The following ARAP2 variants were observed in gnomAD, a reference collection of about 807,000 sequenced individuals.
ARAP2 encodes ArfGAP with RhoGAP domain, ankyrin repeat and PH domain 2, also known as arf-GAP with Rho-GAP domain, ANK repeat and PH domain-containing protein 2.
Under a neutral mutation model 194.5 loss-of-function variants are expected in ARAP2, and 148 were observed. That is an observed-to-expected ratio of 0.76 (90% CI 0.67 to 0.87). The LOEUF is 0.87. Ranked by LOEUF, ARAP2 falls within the 40% of genes least tolerant of loss-of-function variation. The probability of loss-of-function intolerance (pLI) is 0.00; values close to 1 mark genes in which losing one functional copy is unlikely to be tolerated. For missense variants in ARAP2, 2,128 were observed against 1,989.7 expected (o/e 1.07, Z -1.32); for synonymous variants, 695 against 683.5 (o/e 1.02, Z -0.26).
intron 6 of ARAP2, among the ~76,000 whole-genome samples, chr4:36,206,158 C>A (rs961219203): frequency 2.0e-5 from 3 of 152,110 alleles, no homozygotes; most frequent in African/African-American, 7.2e-5. Context: ...AGTAAAGGAG[C>A]CTTGGAGACT....
intron 27 of ARAP2, 80 bp downstream of exon 27, chr4:36,107,485 A>T (rs1465634215): frequency 7.1e-7 from 1 of 1,413,056 alleles, no homozygotes; most frequent in East Asian, 2.5e-5. Context: ...ACATTTTCAA[A>T]TATTACTTGT....
intron 6 of ARAP2, chr4:36,209,345 CCAGA>C (rs1374321961): frequency 2.2e-6 from 1 of 448,182 alleles, no homozygotes; most frequent in South Asian, 1.6e-5. Flanking sequence ...CATAATGTAA[CCAGA>C]AAGAAGTGAC....
chr4:36,021,241 T>C (rs1716884472), intron 5 of ARAP2, among the ~76,000 whole-genome samples: 1 of 152,154 alleles, frequency 6.6e-6, no homozygotes, highest in Non-Finnish European at 1.5e-5. Flanking sequence ...TCAAGTGAAA[T>C]AGAAGGTTCA....
intron 6 of ARAP2, among the ~76,000 whole-genome samples, chr4:36,203,640 G>A (rs1319420771): frequency 6.6e-6 from 1 of 151,818 alleles, no homozygotes; most frequent in Non-Finnish European, 1.5e-5. Context: ...ATAACACTCA[G>A]GAAGAAGATT....
intron 26 of ARAP2, among the ~76,000 whole-genome samples, chr4:36,113,512 G>C (rs547239238): frequency 2.0e-5 from 3 of 152,012 alleles, no homozygotes; most frequent in African/African-American, 7.2e-5. Flanking sequence ...CCTTTTGGCA[G>C]TTTGGCAGCT....
At chr4:36,034,707 C>G (rs1719616929) in intron 5 of ARAP2, among the ~76,000 whole-genome samples, 3 of 152,006 alleles carry the variant, frequency 2.0e-5, no homozygotes, top group Admixed American at 6.6e-5. Context: ...TTTGCCTGTT[C>G]AGTATGATGT....
chr4:36,032,406 T>C (rs1719134942), intron 5 of ARAP2, among the ~76,000 whole-genome samples: 1 of 152,228 alleles, frequency 6.6e-6, no homozygotes, highest in Non-Finnish European at 1.5e-5. Context: ...TTCTACTCTT[T>C]AAAATAAATT....
At chr4:36,177,547 T>C (rs1738243350) in intron 9 of ARAP2, among the ~76,000 whole-genome samples, 3 of 152,164 alleles carry the variant, frequency 2.0e-5, no homozygotes, top group African/African-American at 2.4e-5. Flanking sequence ...TACAATGTCA[T>C]TTCAACTAAA....
intron 27 of ARAP2, 62 bp from the exon 28 acceptor site, chr4:36,092,082 C>T: frequency 6.9e-7 from 1 of 1,443,168 alleles, no homozygotes; most frequent in African/African-American, 1.4e-5. Context: ...AAATACAATA[C>T]AAAACATTTC....
rs1318616706 is a variant in ARAP2, at chr4:36,073,926, T to G, written c.4609-103A>C. 3.6e-6 allele frequency: 5 copies of G among 1,377,154 alleles called. No individual in the cohort carries two copies. In the African/African-American group the frequency reaches 4.3e-5, roughly 12 times the overall value. 85.3% of individuals were successfully genotyped at this position (1,377,154 alleles called of 1,614,324 possible). A position where few individuals can be genotyped will look rare whatever the true frequency, so the allele number is the denominator to read the frequency against. On this transcript the variant is annotated intron_variant, in intron 31 of 32. Transcript: ENST00000303965. ...TTTCCCACATATCCACATCAAATGA[T>G]CTGATTTCCATGAGAATTCCATTTG...
rs547450158 is a variant in ARAP2, at chr4:36,052,852, C to T, written n.322-799G>A. Among the ~76,000 whole-genome samples the T allele has an allele frequency of 3.9e-5, 6 of 152,244 alleles. No homozygotes were observed. In the East Asian group the frequency reaches 1.2e-3, roughly 30 times the overall value. On this transcript the variant is annotated intron_variant and non_coding_transcript_variant, in intron 2 of 12. Coordinates refer to the ARAP2 transcript ENST00000503225. Reference sequence around the variant, plus strand: ...GCGTGGTGGCGGGTGCCTGTAATCCCAGCTACTCTGGAGGCTGAAGCTGGA... The same window carrying T: ...GCGTGGTGGCGGGTGCCTGTAATCCTAGCTACTCTGGAGGCTGAAGCTGGA...
intron 2 of ARAP2, among the ~76,000 whole-genome samples, chr4:36,223,536 G>T (rs2109319022): frequency 6.6e-6 from 1 of 152,162 alleles, no homozygotes; most frequent in South Asian, 2.1e-4. Context: ...TGCAAGTAAA[G>T]AAAAACTATT....
At chr4:36,115,417 G>A (rs914516286) in intron 25 of ARAP2, among the ~76,000 whole-genome samples, 1 of 151,920 alleles carries the variant, frequency 6.6e-6, no homozygotes, top group South Asian at 2.1e-4. Flanking sequence ...TATTTTTAAG[G>A]CTAGCACTTT....
Position 36,165,122 on chromosome 4 carries a change from A to G in ARAP2, c.1974-9T>C. The stretch of plus-strand genomic sequence containing the variant: ...CAGTCTCGGCTGTAAAGCTGAAACA[A>G]TTAACGTTTCTGTGTTATCGATCTC... On this transcript the variant is annotated splice_polypyrimidine_tract_variant and intron_variant, in intron 10 of 32. Transcript: ENST00000303965. The G allele has an allele frequency of 6.2e-7, 1 of 1,613,808 alleles. No homozygotes were observed. The highest frequency in any genetic ancestry group is 2.2e-5 in the East Asian group (1 of 44,882).
chr4:36,214,440 T>A lies in ARAP2; in HGVS notation c.946A>T (p.Lys316Ter). 6.3e-7 allele frequency: 1 copy of A among 1,594,672 alleles called. No individual in the cohort carries two copies. Among genetic ancestry groups the A allele is most frequent in the Non-Finnish European group, 8.6e-7 (1 of 1,168,510 alleles). ...ERRNVATSTE[K>*]SVAWQNSNEE... ...GACTCACTTTGCCATGCCACAGATT[T>A]TTCAGTTGAGGTAGCAACATTTCTT... is the stretch of plus-strand genomic sequence containing the variant. Residue 316 changes from lysine to a stop codon, truncating the protein, a stop_gained, in exon 3 of 33, where the codon AAA (lysine) becomes TAA (stop). Transcript: ENST00000303965. LOFTEE classifies it high-confidence loss of function.
intron 5 of ARAP2, among the ~76,000 whole-genome samples, chr4:36,030,112 T>C (rs932635276): frequency 2.0e-5 from 3 of 152,108 alleles, no homozygotes; most frequent in African/African-American, 7.2e-5. Flanking sequence ...TTGGATACAG[T>C]ATTCTCAAGT....
At position 36,134,760 on chromosome 4, in the gene ARAP2, A is replaced by ACACACC. The variant is rs1553915268; in HGVS notation, c.3264-1372_3264-1371insGGTGTG. On this transcript the variant is annotated intron_variant, in intron 19 of 32. Coordinates refer to ENST00000303965, the MANE Select transcript of ARAP2 (RefSeq NM_015230.4). ...TACACACACACACACACACACACAC[A>ACACACC]CCCTCCTGGATTCTGTAATACATAT... Among the ~76,000 whole-genome samples, 897 of 149,784 alleles carry ACACACC rather than the reference A, an allele frequency of 6.0e-3. 5 individuals carry two copies. The highest frequency in any genetic ancestry group is 0.013 in the East Asian group (66 of 5,040).
intron 1 of ARAP2, among the ~76,000 whole-genome samples, chr4:36,234,134 C>T (rs1318570480): frequency 6.6e-6 from 1 of 152,198 alleles, no homozygotes; most frequent in Admixed American, 6.5e-5. Context: ...TTCACTCCAT[C>T]ATAAAGTCGA....
intron 11 of ARAP2, among the ~76,000 whole-genome samples, chr4:36,163,751 A>C (rs887396689): frequency 6.6e-6 from 1 of 152,148 alleles, no homozygotes; most frequent in Non-Finnish European, 1.5e-5. Flanking sequence ...CTAAGGAGGG[A>C]AGAAAGAAAG....
Sources: allele counts gnomAD v4.1 joint callset (sites outside exome capture counted in the v4.1 genomes callset), GRCh38; gene constraint gnomAD v4.1.1; transcripts MANE v1.5; gene names NCBI Gene and HGNC (gene_info 2026-07-23, HGNC 2026-07-21).